The following PLXDC2 variants were observed in gnomAD, a reference collection of about 807,000 sequenced individuals.
PLXDC2 encodes the protein plexin domain-containing protein 2.
Under a neutral mutation model 68.9 loss-of-function variants are expected in PLXDC2, and 40 were observed. That is an observed-to-expected ratio of 0.58 (90% CI 0.45 to 0.76). The LOEUF (loss-of-function observed/expected upper bound fraction) is 0.76. Among genes scored for constraint, PLXDC2 ranks in the 30% least tolerant of loss-of-function variants. PLXDC2 has a pLI of 0.00. For synonymous variants in PLXDC2, 243 were observed against 234.2 expected (o/e 1.04, Z -0.34); for missense variants, 644 against 661.9 (o/e 0.97, Z 0.30).
At chr10:20,151,181 C>A (rs558789949) in intron 6 of PLXDC2, among the ~76,000 whole-genome samples, 125 of 152,190 alleles carry the variant, frequency 8.2e-4, no homozygotes, top group African/African-American at 2.9e-3. Flanking sequence ...TAAAATTTGT[C>A]GTAAGAGAGT....
chr10:19,874,448 C>T (rs998965502), intron 1 of PLXDC2, among the ~76,000 whole-genome samples: 7 of 152,144 alleles, frequency 4.6e-5, no homozygotes, highest in Admixed American at 3.3e-4. Flanking sequence ...TGCTCAACCT[C>T]GGCTGGTCAT....
In PLXDC2 at chr10:20,213,255, T is replaced by G. The variant is rs144556491; in HGVS notation, c.1122+1526T>G. Among the ~76,000 whole-genome samples, 8 of 152,142 alleles carry G rather than the reference T, an allele frequency of 5.3e-5. No homozygotes were observed. In the East Asian group the frequency reaches 1.5e-3, roughly 29 times the overall value. On this transcript the variant is annotated intron_variant, in intron 10 of 13. Coordinates refer to ENST00000377252, the MANE Select transcript of PLXDC2 (RefSeq NM_032812.9). ...TGTATTATATAAGGTAGAGATTCAGTTTCGTGGGGTTTTTTTTCTTGATGG... is the reference window on the plus strand; with the variant it reads ...TGTATTATATAAGGTAGAGATTCAGGTTCGTGGGGTTTTTTTTCTTGATGG...
chr10:19,855,226 TTTGTTG>T (rs57620092), intron 1 of PLXDC2, among the ~76,000 whole-genome samples: 1 of 151,418 alleles, frequency 6.6e-6, no homozygotes, highest in Non-Finnish European at 1.5e-5. Flanking sequence ...CAAATACGAT[TTTGTTG>T]TTGTTGTTGT....
At chr10:19,929,243 A>G (rs1833589207) in intron 1 of PLXDC2, among the ~76,000 whole-genome samples, 1 of 151,838 alleles carries the variant, frequency 6.6e-6, no homozygotes, top group Non-Finnish European at 1.5e-5. Flanking sequence ...AATAACAACA[A>G]CAACGAAAAG....
At chr10:20,109,696 G>A (rs1007345967) in intron 4 of PLXDC2, among the ~76,000 whole-genome samples, 7 of 152,084 alleles carry the variant, frequency 4.6e-5, no homozygotes, top group African/African-American at 1.7e-4. Flanking sequence ...AGGTTTAAAT[G>A]TTTTTTTAAC....
intron 13 of PLXDC2, among the ~76,000 whole-genome samples, chr10:20,258,505 A>G (rs1835771298): frequency 6.6e-6 from 1 of 152,096 alleles, no homozygotes; most frequent in African/African-American, 2.4e-5. Context: ...TTAAGTTGGC[A>G]TTTGTTCCAT....
rs1554777535 is a variant in PLXDC2, at chr10:20,238,668, T to TATATGTATATATATATATATATACACAC, written c.1313-6673_1313-6672insGTATATATATATATATATACACACATAT. Among the ~76,000 whole-genome samples the TATATGTATATATATATATATATACACAC allele has an allele frequency of 8.1e-3, 786 of 96,752 alleles. 13 individuals carry two copies. The highest frequency in any genetic ancestry group is 9.2e-3 in the African/African-American group (207 of 22,480). The allele number at this position is 96,752 out of a possible 152,430, so 63.5% of individuals were successfully genotyped here. A position where few individuals can be genotyped will look rare whatever the true frequency, so the allele number is the denominator to read the frequency against. On this transcript the variant is annotated intron_variant, in intron 12 of 13. Transcript: ENST00000377252. ...AAGACTCCATCTCAAAAAAAATATATATATATATGTATATATATATATATA... is the reference window on the plus strand; with the variant it reads ...AAGACTCCATCTCAAAAAAAATATATATATGTATATATATATATATATACACACATATATATGTATATATATATATATA...
chr10:20,086,764 G>C (rs1443788266), intron 4 of PLXDC2, among the ~76,000 whole-genome samples: 1 of 152,130 alleles, frequency 6.6e-6, no homozygotes, highest in Non-Finnish European at 1.5e-5. Flanking sequence ...CATTCTTGAA[G>C]TGAACATTTG....
intron 12 of PLXDC2, among the ~76,000 whole-genome samples, chr10:20,229,223 G>T (rs1835327324): frequency 6.6e-6 from 1 of 152,040 alleles, no homozygotes; most frequent in African/African-American, 2.4e-5. Flanking sequence ...AATTGAGGGG[G>T]TTTCATCTAA....
At chr10:19,845,410 G>A (rs1836989656) in intron 1 of PLXDC2, among the ~76,000 whole-genome samples, 1 of 152,016 alleles carries the variant, frequency 6.6e-6, no homozygotes, top group East Asian at 1.9e-4. Flanking sequence ...GTGTTCCTTG[G>A]GATCTTTGAA....
At chr10:20,016,712 T>A (rs545644104) in intron 2 of PLXDC2, among the ~76,000 whole-genome samples, 2 of 152,248 alleles carry the variant, frequency 1.3e-5, no homozygotes, top group African/African-American at 4.8e-5. Context: ...CAATAACCTA[T>A]GCTGATCAAA....
intron 1 of PLXDC2, among the ~76,000 whole-genome samples, chr10:19,853,709 G>A: frequency 6.6e-6 from 1 of 152,164 alleles, no homozygotes; most frequent in South Asian, 2.1e-4. Flanking sequence ...AAAATGAGGG[G>A]TGAAGAGACA....
Position 20,285,780 on chromosome 10 carries a change from G to A in PLXDC2, c.*5961G>A, listed in dbSNP as rs1376900056. 6.6e-6 allele frequency: 1 copy of A among 152,150 alleles called. No homozygotes were observed. Among genetic ancestry groups the A allele is most frequent in the African/African-American group, 2.4e-5 (1 of 41,424 alleles). 9.4% of individuals were successfully genotyped at this position (152,150 alleles called of 1,614,324 possible). ...TCAAAAAAGCATTTGCACTTTAGGT[G>A]TGTGTGGTGGTTATGTCATTTATTA... On this transcript the variant is annotated 3_prime_UTR_variant, in exon 14 of 14. Coordinates refer to ENST00000377252, the MANE Select transcript of PLXDC2 (RefSeq NM_032812.9).
intron 9 of PLXDC2, among the ~76,000 whole-genome samples, chr10:20,204,927 T>C (rs1834971094): frequency 6.6e-6 from 1 of 152,198 alleles, no homozygotes; most frequent in Non-Finnish European, 1.5e-5. Context: ...AAATTCTTCA[T>C]GGATGTTTCA....
Position 20,245,611 on chromosome 10 carries a change from A to G in PLXDC2, c.1473+106A>G, listed in dbSNP as rs1245038148. On this transcript the variant is annotated intron_variant, in intron 13 of 13. Coordinates refer to ENST00000377252, the MANE Select transcript of PLXDC2 (RefSeq NM_032812.9). The stretch of plus-strand genomic sequence containing the variant: ...TTACCACATGGCTTCTCCATTTTTC[A>G]GTTCAAGCTTTCTGATTTCACACAC... 10 of 1,323,470 alleles carry G rather than the reference A, an allele frequency of 7.6e-6. No homozygotes were observed. In the African/African-American group the frequency reaches 1.0e-4, roughly 14 times the overall value. 82.0% of individuals were successfully genotyped at this position (1,323,470 alleles called of 1,614,324 possible).
At position 20,082,045 on chromosome 10, in the gene PLXDC2, G is replaced by GAAA. The variant is rs1439512108; in HGVS notation, c.541+13821_541+13823dup. Among the ~76,000 whole-genome samples the GAAA allele has an allele frequency of 5.2e-4, 5 of 9,608 alleles. No homozygotes were observed. The East Asian group carries it at 0.058, about 111-fold the overall frequency. 6.3% of individuals were successfully genotyped at this position (9,608 alleles called of 152,430 possible). A position where few individuals can be genotyped will look rare whatever the true frequency, so the allele number is the denominator to read the frequency against. On this transcript the variant is annotated intron_variant, in intron 4 of 13. Coordinates refer to ENST00000377252, the MANE Select transcript of PLXDC2 (RefSeq NM_032812.9). ...AAGTGACAAGAGTGAAACTCCATCT[G>GAAA]AAAAAAAAAAAAAAAAATCAAAAAA...
At chr10:20,093,599 A>G (rs985725920) in intron 4 of PLXDC2, among the ~76,000 whole-genome samples, 1 of 152,146 alleles carries the variant, frequency 6.6e-6, no homozygotes, top group African/African-American at 2.4e-5. Context: ...TTTTCCAGAA[A>G]AAGTTAGTTT....
intron 4 of PLXDC2, among the ~76,000 whole-genome samples, chr10:20,092,332 G>A (rs1175002737): frequency 6.6e-6 from 1 of 152,220 alleles, no homozygotes; most frequent in Admixed American, 6.5e-5. Context: ...AACAGTTAAC[G>A]TGAGGAAATG....
intron 1 of PLXDC2, among the ~76,000 whole-genome samples, chr10:19,922,724 C>T (rs576572230): frequency 6.6e-6 from 1 of 152,270 alleles, no homozygotes; most frequent in African/African-American, 2.4e-5. Flanking sequence ...GTGGCAAAAT[C>T]CAGCTCAGTG....
Sources: allele counts gnomAD v4.1 joint callset (sites outside exome capture counted in the v4.1 genomes callset), GRCh38; gene constraint gnomAD v4.1.1; transcripts MANE v1.5; gene names NCBI Gene and HGNC (gene_info 2026-07-23, HGNC 2026-07-21).